Variants in MAPRE3 observed in about 807,000 individuals in gnomAD.
The protein encoded by MAPRE3 is microtubule associated protein RP/EB family member 3.
In MAPRE3, 2 loss-of-function variants were observed where a neutral mutation model predicts 30.5. The observed-to-expected ratio is 0.07, with a 90% CI of 0.03 to 0.21. MAPRE3 has a LOEUF of 0.21. Ranked by LOEUF, MAPRE3 falls within the 10% of genes least tolerant of loss-of-function variation. The pLI is 1.00. For synonymous variants in MAPRE3, 110 were observed against 127.7 expected, an observed-to-expected ratio of 0.86 and a Z score of 0.93; for missense variants, 204 against 351.8, an observed-to-expected ratio of 0.58 and a Z score of 3.36.
At chr2:26,997,846 C>G (rs1208965649) in intron 1 of MAPRE3, among the ~76,000 whole-genome samples, 1 of 152,150 alleles carries the variant, frequency 6.6e-6, no homozygotes, top group Non-Finnish European at 1.5e-5. Context: ...TCAACGAAGA[C>G]AGAATAATAG....
chr2:26,997,403 T>G (rs1666487170), intron 1 of MAPRE3, among the ~76,000 whole-genome samples: 1 of 152,112 alleles, frequency 6.6e-6, no homozygotes, highest in Non-Finnish European at 1.5e-5. Flanking sequence ...TGTTAGCGTA[T>G]GTTATGTGTG....
intron 1 of MAPRE3, among the ~76,000 whole-genome samples, chr2:26,991,827 T>C (rs1207957795): frequency 6.6e-6 from 1 of 152,196 alleles, no homozygotes; most frequent in Non-Finnish European, 1.5e-5. Context: ...GGGTAACAAC[T>C]GTCTGTGTTC....
At chr2:26,994,824 CTT>C (rs59415017) in intron 1 of MAPRE3, among the ~76,000 whole-genome samples, 107 of 76,720 alleles carry the variant, frequency 1.4e-3, no homozygotes, top group Middle Eastern at 8.8e-3. Context: ...TCTTCTTCTT[CTT>C]TTTTTTTTTT....
intron 2 of MAPRE3, 28 bp downstream of exon 2, chr2:27,022,367 C>G: frequency 6.2e-7 from 1 of 1,610,342 alleles, no homozygotes; most frequent in South Asian, 1.1e-5. Context: ...TGGGAAGTGG[C>G]CCTGCTGGAA....
chr2:27,001,394 A>G (rs1666591653), intron 1 of MAPRE3, among the ~76,000 whole-genome samples: 1 of 152,138 alleles, frequency 6.6e-6, no homozygotes, highest in Non-Finnish European at 1.5e-5. Context: ...TAATCCCAGC[A>G]CTTTAGGAGG....
At chr2:27,009,429 A>G (rs1189857638) in intron 1 of MAPRE3, among the ~76,000 whole-genome samples, 1 of 152,254 alleles carries the variant, frequency 6.6e-6, no homozygotes, top group Non-Finnish European at 1.5e-5. Flanking sequence ...TTCAGCTTTT[A>G]CTAGAAAAGA....
At chr2:26,989,193 C>A (rs536685678) in intron 1 of MAPRE3, among the ~76,000 whole-genome samples, 1 of 152,090 alleles carries the variant, frequency 6.6e-6, no homozygotes. Context: ...TCTTGGCACT[C>A]GAAGAAGAAA....
chr2:26,976,126 A>G (rs1357765039), intron 1 of MAPRE3, among the ~76,000 whole-genome samples: 1 of 152,204 alleles, frequency 6.6e-6, no homozygotes, highest in South Asian at 2.1e-4. Context: ...AAGGGACCCA[A>G]GCTGAAATGC....
At chr2:26,977,436 T>G (rs1666034399) in intron 1 of MAPRE3, among the ~76,000 whole-genome samples, 1 of 152,184 alleles carries the variant, frequency 6.6e-6, no homozygotes, top group South Asian at 2.1e-4. Context: ...CTTTTCAGAT[T>G]CTCTGTATTC....
intron 1 of MAPRE3, among the ~76,000 whole-genome samples, chr2:26,994,377 T>C (rs1374010784): frequency 6.6e-6 from 1 of 152,238 alleles, no homozygotes; most frequent in Non-Finnish European, 1.5e-5. Context: ...GTTAAGAAAT[T>C]ATGTGTTATC....
At chr2:26,992,193 G>A (rs139279839) in intron 1 of MAPRE3, among the ~76,000 whole-genome samples, 21 of 151,894 alleles carry the variant, frequency 1.4e-4, no homozygotes, top group South Asian at 6.2e-4. Flanking sequence ...TAGGAGAAGC[G>A]TAGTACTCAT....
At chr2:26,981,484 A>G (rs1666111586) in intron 1 of MAPRE3, among the ~76,000 whole-genome samples, 1 of 152,222 alleles carries the variant, frequency 6.6e-6, no homozygotes, top group African/African-American at 2.4e-5. Context: ...GGCCACTGAC[A>G]GAGGAAGATT....
At chr2:27,004,759 G>A (rs1666685193) in intron 1 of MAPRE3, among the ~76,000 whole-genome samples, 1 of 150,508 alleles carries the variant, frequency 6.6e-6, no homozygotes, top group Non-Finnish European at 1.5e-5. Context: ...AAATGCCATG[G>A]ATATGTCTGG....
At chr2:26,997,361 AT>A (rs896931444) in intron 1 of MAPRE3, among the ~76,000 whole-genome samples, 49 of 147,078 alleles carry the variant, frequency 3.3e-4, no homozygotes, top group South Asian at 8.6e-4. Context: ...TTTTTTTGTG[AT>A]TTTTTTTTTT....
At chr2:27,000,267 G>C (rs997614056) in intron 1 of MAPRE3, among the ~76,000 whole-genome samples, 3 of 152,194 alleles carry the variant, frequency 2.0e-5, no homozygotes, top group Non-Finnish European at 4.4e-5. Context: ...GTCATGAAAA[G>C]GTTCTTAGGG....
intron 1 of MAPRE3, among the ~76,000 whole-genome samples, chr2:27,020,276 T>C (rs1043074110): frequency 4.6e-5 from 7 of 152,190 alleles, no homozygotes; most frequent in African/African-American, 1.7e-4. Context: ...AGCAGATGCC[T>C]GCGACAGGCA....
At chr2:26,981,916 T>A (rs1666121368) in intron 1 of MAPRE3, among the ~76,000 whole-genome samples, 1 of 152,192 alleles carries the variant, frequency 6.6e-6, no homozygotes, top group African/African-American at 2.4e-5. Context: ...TCTGAGCAGA[T>A]CCCTACTGAG....
intron 1 of MAPRE3, among the ~76,000 whole-genome samples, chr2:26,971,141 C>T (rs1457002691): frequency 6.6e-6 from 1 of 152,218 alleles, no homozygotes; most frequent in Non-Finnish European, 1.5e-5. Flanking sequence ...CTCCCGTCCG[C>T]CCTTATCCCT....
At chr2:27,007,248 T>C (rs892958333) in intron 1 of MAPRE3, among the ~76,000 whole-genome samples, 1 of 152,206 alleles carries the variant, frequency 6.6e-6, no homozygotes, top group Non-Finnish European at 1.5e-5. Context: ...ATTGGCAGGT[T>C]GTTGAAGGGC....
Sources: gnomAD v4.1 joint callset for allele counts (sites outside exome capture counted in the v4.1 genomes callset) on GRCh38, gnomAD v4.1.1 for gene constraint, MANE v1.5 for transcripts, NCBI Gene and HGNC (gene_info 2026-07-23, HGNC 2026-07-21) for gene names.